COMMD10: variants seen among roughly 807,000 people sequenced by gnomAD.
COMMD10 encodes COMM domain containing 10.
A neutral mutation model predicts 28.9 loss-of-function variants in COMMD10; 33 were observed. That is an observed-to-expected ratio of 1.14 (90% confidence interval 0.87 to 1.53). The LOEUF (loss-of-function observed/expected upper bound fraction) is 1.53. Among genes scored for constraint, COMMD10 ranks in the 40% most tolerant of loss-of-function variants. The pLI is 0.00. For missense variants in COMMD10, 310 were observed against 233.4 expected (o/e 1.33, Z -2.14); for synonymous variants, 110 against 81.7 (o/e 1.35, Z -1.87).
At chr5:116,274,068 A>G (rs955288373) in intron 5 of COMMD10, among the ~76,000 whole-genome samples, 3 of 151,688 alleles carry the variant, frequency 2.0e-5, no homozygotes, top group African/African-American at 4.9e-5. Context: ...ACTGTCACCA[A>G]CCTTTCCTAT....
chr5:116,248,575 T>G (rs995608895), intron 5 of COMMD10, among the ~76,000 whole-genome samples: 2 of 151,896 alleles, frequency 1.3e-5, no homozygotes, highest in African/African-American at 4.8e-5. Flanking sequence ...TTTTGTTTTG[T>G]TTTAATACAT....
At chr5:116,288,440 C>T (rs565103643) in intron 5 of COMMD10, among the ~76,000 whole-genome samples, 1 of 151,916 alleles carries the variant, frequency 6.6e-6, no homozygotes, top group South Asian at 2.1e-4. Context: ...GGATTTTCCT[C>T]GTTGGAGTTC....
At chr5:116,234,106 C>A (rs142245858) in intron 5 of COMMD10, among the ~76,000 whole-genome samples, 1 of 152,262 alleles carries the variant, frequency 6.6e-6, no homozygotes, top group African/African-American at 2.4e-5. Context: ...AAAATTTTCA[C>A]TGGCATTGTA....
intron 5 of COMMD10, among the ~76,000 whole-genome samples, chr5:116,205,643 T>G (rs1748792214): frequency 6.6e-6 from 1 of 152,162 alleles, no homozygotes; most frequent in African/African-American, 2.4e-5. Context: ...TGTGTGTATA[T>G]GTTTTTATGT....
intron 4 of COMMD10, among the ~76,000 whole-genome samples, chr5:116,109,986 A>G (rs1750990483): frequency 6.6e-6 from 1 of 152,138 alleles, no homozygotes; most frequent in Non-Finnish European, 1.5e-5. Flanking sequence ...TTCCCTGTTC[A>G]GTGTGATGTT....
intron 4 of COMMD10, among the ~76,000 whole-genome samples, chr5:116,122,369 G>C (rs1210759572): frequency 6.6e-6 from 1 of 152,218 alleles, no homozygotes; most frequent in Non-Finnish European, 1.5e-5. Context: ...GTACCATGCT[G>C]TTTTGGTTAC....
intron 4 of COMMD10, among the ~76,000 whole-genome samples, chr5:116,123,381 G>C (rs530339579): frequency 4.3e-4 from 66 of 152,212 alleles, no homozygotes; most frequent in Non-Finnish European, 8.1e-4. Flanking sequence ...TTATTGATTG[G>C]CGTATGTTGA....
At chr5:116,110,880 G>T (rs1219615706) in intron 4 of COMMD10, among the ~76,000 whole-genome samples, 4 of 145,150 alleles carry the variant, frequency 2.8e-5, no homozygotes, top group Admixed American at 2.0e-4. Context: ...ACCAAGAGGG[G>T]TGGTGCTAAA....
At chr5:116,105,905 A>C (rs1750820745) in intron 4 of COMMD10, among the ~76,000 whole-genome samples, 1 of 148,830 alleles carries the variant, frequency 6.7e-6, no homozygotes, top group African/African-American at 2.6e-5. Context: ...TTTTCAAAAA[A>C]CCAGCTCCTG....
intron 5 of COMMD10, among the ~76,000 whole-genome samples, chr5:116,272,819 A>G (rs1750795442): frequency 6.6e-6 from 1 of 151,794 alleles, no homozygotes; most frequent in Non-Finnish European, 1.5e-5. Flanking sequence ...AAGCTGAACC[A>G]ATTGAGATGT....
chr5:116,103,615 A>C (rs186906379), intron 4 of COMMD10, among the ~76,000 whole-genome samples: 4 of 152,198 alleles, frequency 2.6e-5, no homozygotes, highest in African/African-American at 9.6e-5. Flanking sequence ...TAGGTTGCCT[A>C]TTCACTCTGA....
At position 116,092,631 on chromosome 5, in the gene COMMD10, C is replaced by A; in HGVS notation, c.330C>A (p.Val110=). The change falls in exon 4 of 7, where the codon GTC becomes GTA. Residue 110 remains valine (V), a synonymous_variant. Coordinates refer to ENST00000274458, the MANE Select transcript of COMMD10 (RefSeq NM_016144.4). ...HLRQDKAEAF[V]NTWSSMGQET... The stretch of plus-strand genomic sequence containing the variant: ...GACAAGACAAAGCTGAAGCATTTGT[C>A]AATACGTGGTCTTCTATGGGTCAAG... 1 of 1,612,022 alleles carries A rather than the reference C, an allele frequency of 6.2e-7. No individual in the cohort carries two copies. The highest frequency in any genetic ancestry group is 1.1e-5 in the South Asian group (1 of 90,650).
At chr5:116,100,461 G>A (rs958402370) in intron 4 of COMMD10, among the ~76,000 whole-genome samples, 1 of 148,908 alleles carries the variant, frequency 6.7e-6, no homozygotes, top group Non-Finnish European at 1.5e-5. Context: ...TTTCATTTAA[G>A]TCTTTAATTC....
At chr5:116,186,631 T>G (rs1449012595) in intron 5 of COMMD10, among the ~76,000 whole-genome samples, 1 of 152,146 alleles carries the variant, frequency 6.6e-6, no homozygotes, top group Non-Finnish European at 1.5e-5. Context: ...AATGTATTTG[T>G]CATTCTCCCT....
intron 5 of COMMD10, among the ~76,000 whole-genome samples, chr5:116,270,585 GA>G (rs1217444633): frequency 2.0e-5 from 3 of 151,842 alleles, no homozygotes; most frequent in Non-Finnish European, 4.4e-5. Flanking sequence ...GTGGCATGGG[GA>G]CTAGAAAGAA....
intron 5 of COMMD10, among the ~76,000 whole-genome samples, chr5:116,186,355 C>T (rs1715804763): frequency 6.6e-6 from 1 of 152,114 alleles, no homozygotes; most frequent in Admixed American, 6.6e-5. Flanking sequence ...GTCTCATATC[C>T]CTAACATTAT....
chr5:116,291,917 A>G (rs893405303), intron 6 of COMMD10, among the ~76,000 whole-genome samples: 9 of 152,118 alleles, frequency 5.9e-5, no homozygotes, highest in African/African-American at 2.2e-4. Flanking sequence ...GTAAAGGGAA[A>G]CATGCCTTTA....
intron 4 of COMMD10, 84 bp downstream of exon 4, chr5:116,092,784 A>G (rs987914270): frequency 1.9e-5 from 20 of 1,069,874 alleles, no homozygotes; most frequent in Non-Finnish European, 2.6e-5. Flanking sequence ...AAGTGATAAT[A>G]TTTTGTTGAG....
intron 4 of COMMD10, among the ~76,000 whole-genome samples, chr5:116,110,166 A>G (rs1254985174): frequency 1.3e-5 from 2 of 152,186 alleles, no homozygotes; most frequent in Non-Finnish European, 2.9e-5. Context: ...TATGTGATGA[A>G]TCACATTTAT....
Sources: allele counts gnomAD v4.1 joint callset (sites outside exome capture counted in the v4.1 genomes callset), GRCh38; gene constraint gnomAD v4.1.1; transcripts MANE v1.5; gene names NCBI Gene and HGNC (gene_info 2026-07-23, HGNC 2026-07-21).